Variants in PIWIL4 observed in about 807,000 individuals in gnomAD.
PIWIL4 encodes piwi-like protein 4.
In PIWIL4, 50 loss-of-function variants were observed where a neutral mutation model predicts 100.9. The ratio of observed to expected loss-of-function variants is 0.50; its 90% CI spans 0.39 to 0.63. The LOEUF is 0.63. Among genes scored for constraint, PIWIL4 ranks in the 20% least tolerant of loss-of-function variants. The pLI is 0.00. For missense variants in PIWIL4, 887 were observed against 1,043.3 expected (o/e 0.85, Z 2.06); for synonymous variants, 342 against 367.5 (o/e 0.93, Z 0.79).
chr11:94,618,063 C>T lies in PIWIL4; in HGVS notation c.2124C>T (p.Val708=), dbSNP rs1948865496. The change falls in exon 17 of 20, where the codon GTC becomes GTT. Residue 708 remains valine (V), a synonymous_variant. Transcript: ENST00000299001. ...TGAAAACACTTATTGAATATGAAGT[C>T]CCACAGCTGCTGAGCAGTGTGGCAG... is the stretch of plus-strand genomic sequence containing the variant. The part of the protein sequence containing the change: ...GQLKTLIEYE[V]PQLLSSVAES... 1 of 1,601,286 alleles carries T rather than the reference C, an allele frequency of 6.2e-7. No homozygotes were observed.
At position 94,595,344 on chromosome 11, in the gene PIWIL4, ATG is replaced by A. The variant is rs1948542005; in HGVS notation, c.1187_1188del (p.Met396LysfsTer5). On this transcript the variant is annotated frameshift_variant, in exon 10 of 20. Coordinates refer to ENST00000299001, the MANE Select transcript of PIWIL4 (RefSeq NM_152431.3). LOFTEE classifies it high-confidence loss of function. ...CCAGGCAACATCTGATTTCCAGCTG[ATG>A]AAGGCTGTGGCTGAAAAGACACGTC... ...TDQATSDFQL[M>X]KAVAEKTRLS... The A allele has an allele frequency of 6.2e-7, 1 of 1,613,958 alleles. No homozygotes were observed. Among genetic ancestry groups the A allele is most frequent in the Non-Finnish European group, 8.5e-7 (1 of 1,179,932 alleles).
intron 16 of PIWIL4, 23 bp from the exon 17 acceptor site, chr11:94,617,931 C>T: frequency 6.2e-7 from 1 of 1,610,920 alleles, no homozygotes; most frequent in Non-Finnish European, 8.5e-7. Flanking sequence ...TAATTCTTTT[C>T]TTACTGACAC....
intron 17 of PIWIL4, 56 bp downstream of exon 17, chr11:94,618,163 G>A: frequency 6.8e-7 from 1 of 1,467,204 alleles, no homozygotes; most frequent in Non-Finnish European, 9.1e-7. Context: ...TTCAGCTGTA[G>A]CTATTACACA....
intron 5 of PIWIL4, among the ~76,000 whole-genome samples, 182 bp downstream of exon 5, chr11:94,583,751 C>T (rs1591783019): frequency 6.6e-6 from 1 of 152,212 alleles, no homozygotes; most frequent in Non-Finnish European, 1.5e-5. Flanking sequence ...ATTACAGCCA[C>T]TCAGTGGCAC....
In PIWIL4 at chr11:94,618,043, A is replaced by G. The variant is rs750933887; in HGVS notation, c.2104A>G (p.Thr702Ala). The G allele has an allele frequency of 3.7e-6, 6 of 1,606,682 alleles. No individual in the cohort carries two copies. In the East Asian group the frequency reaches 1.1e-4, roughly 30 times the overall value. Residue 702 changes from threonine (T) to alanine (A), a missense_variant, in exon 17 of 20, where the codon ACA becomes GCA. Physicochemically the swap from Thr to Ala is moderately conservative, Grantham distance 58. Transcript: ENST00000299001. ...RAGVGDGQLKTLIEYEVPQLL... is the reference protein window; with the variant it reads ...RAGVGDGQLKALIEYEVPQLL... ...TGGTGTAGGGGATGGTCAGCTGAAA[A>G]CACTTATTGAATATGAAGTCCCACA... is the stretch of plus-strand genomic sequence containing the variant.
chr11:94,605,872 G>T (rs1238523806), intron 13 of PIWIL4, among the ~76,000 whole-genome samples: 1 of 152,074 alleles, frequency 6.6e-6, no homozygotes, highest in East Asian at 1.9e-4. Context: ...CTTCAAGCTG[G>T]CTTCTGTGTC....
chr11:94,617,957 C>A lies in PIWIL4; in HGVS notation c.2018C>A (p.Ala673Glu), dbSNP rs1438277654. 6.2e-6 allele frequency: 10 copies of A among 1,613,750 alleles called. No individual in the cohort carries two copies. Among genetic ancestry groups the A allele is most frequent in the Non-Finnish European group, 8.5e-6 (10 of 1,179,776 alleles). The change falls in exon 17 of 20, where the codon GCA (alanine) becomes GAA (glutamate). Residue 673 changes from alanine to glutamate, a missense_variant. Coordinates refer to ENST00000299001, the MANE Select transcript of PIWIL4 (RefSeq NM_152431.3). ...ADCLKVFMTGALNKWYKYNHD... is the reference protein window; with the variant it reads ...ADCLKVFMTGELNKWYKYNHD... ...TTACTGACACCAAATTCTGCAGGAGCACTCAACAAATGGTACAAGTACAAT... is the reference window on the plus strand; with the variant it reads ...TTACTGACACCAAATTCTGCAGGAGAACTCAACAAATGGTACAAGTACAAT...
chr11:94,618,250 T>C (rs1297671553), intron 17 of PIWIL4, 143 bp downstream of exon 17: 6 of 784,182 alleles, frequency 7.7e-6, no homozygotes, highest in Non-Finnish European at 1.1e-5. Flanking sequence ...AGTAGAGCTC[T>C]ATCATTTCCT....
intron 12 of PIWIL4, 132 bp downstream of exon 12, chr11:94,602,111 T>A: frequency 2.6e-6 from 2 of 755,980 alleles, no homozygotes; most frequent in Non-Finnish European, 4.2e-6. Context: ...AAAGTAGTCA[T>A]AAGTAGATAG....
chr11:94,598,705 C>CTTTTTT (rs769342028), intron 11 of PIWIL4, among the ~76,000 whole-genome samples: 7 of 110,066 alleles, frequency 6.4e-5, no homozygotes, highest in South Asian at 3.0e-4. Context: ...TTTTTTCCAT[C>CTTTTTT]TTTTTTTTTT....
At chr11:94,601,531 T>G (rs1003755875) in intron 11 of PIWIL4, among the ~76,000 whole-genome samples, 2 of 152,228 alleles carry the variant, frequency 1.3e-5, no homozygotes, top group Non-Finnish European at 2.9e-5. Context: ...CACCATTCTC[T>G]GTGCACCGCA....
Position 94,608,737 on chromosome 11 carries a change from T to G in PIWIL4, c.1943+51T>G, listed in dbSNP as rs994144254. 9 of 1,485,248 alleles carry G rather than the reference T, an allele frequency of 6.1e-6. No individual in the cohort carries two copies. The African/African-American group carries it at 1.2e-4, about 21-fold the overall frequency. The allele number at this position is 1,485,248 out of a possible 1,614,324, so 92.0% of individuals were successfully genotyped here. A position where few individuals can be genotyped will look rare whatever the true frequency, so the allele number is the denominator to read the frequency against. On this transcript the variant is annotated intron_variant, in intron 15 of 19. Transcript: ENST00000299001. ...TGCTTCATTTAGTTAGACTATTAAT[T>G]GTGGTTTCACTAAAGAATGTAACAG...
chr11:94,600,067 C>T lies in PIWIL4; in HGVS notation c.1381-1728C>T, dbSNP rs565447886. ...CAGTGGATCTTCCCCACTTGCTGTGCCAAAGGCATCATTCAATTATAGTCT... is the reference window on the plus strand; with the variant it reads ...CAGTGGATCTTCCCCACTTGCTGTGTCAAAGGCATCATTCAATTATAGTCT... On this transcript the variant is annotated intron_variant, in intron 11 of 19. Coordinates refer to ENST00000299001, the MANE Select transcript of PIWIL4 (RefSeq NM_152431.3). 3.3e-5 allele frequency among the ~76,000 whole-genome samples: 5 copies of T among 152,126 alleles called. No individual in the cohort carries two copies. The South Asian group carries it at 1.0e-3, about 32-fold the overall frequency.
At chr11:94,597,163 A>G (rs1368350157) in intron 10 of PIWIL4, among the ~76,000 whole-genome samples, 1 of 152,256 alleles carries the variant, frequency 6.6e-6, no homozygotes, top group African/African-American at 2.4e-5. Context: ...TGCTGATATT[A>G]ATATTCTCCT....
intron 2 of PIWIL4, among the ~76,000 whole-genome samples, chr11:94,569,794 G>A (rs1202972520): frequency 3.5e-5 from 5 of 141,538 alleles, no homozygotes; most frequent in Non-Finnish European, 6.2e-5. Context: ...TGGAATAATA[G>A]ACATTGGAGA....
chr11:94,591,495 G>T (rs1483542073), intron 8 of PIWIL4, among the ~76,000 whole-genome samples: 1 of 152,200 alleles, frequency 6.6e-6, no homozygotes, highest in Non-Finnish European at 1.5e-5. Flanking sequence ...AATCCTTGAT[G>T]CATAGTATCT....
intron 4 of PIWIL4, among the ~76,000 whole-genome samples, chr11:94,582,783 A>G (rs1948340039): frequency 6.6e-6 from 1 of 152,128 alleles, no homozygotes; most frequent in Non-Finnish European, 1.5e-5. Context: ...ATAAAATCAG[A>G]TTTCTGATCT....
chr11:94,604,128 A>T, intron 13 of PIWIL4, 72 bp downstream of exon 13: 7 of 889,528 alleles, frequency 7.9e-6, no homozygotes, highest in Non-Finnish European at 1.2e-5. Context: ...CAGTCTGAAC[A>T]TACCCTCCCA....
intron 15 of PIWIL4, among the ~76,000 whole-genome samples, chr11:94,615,765 G>A (rs1948839710): frequency 6.6e-6 from 1 of 152,148 alleles, no homozygotes; most frequent in African/African-American, 2.4e-5. Context: ...AGCCTCCCAA[G>A]TAGCTGTGAC....
Sources: allele counts gnomAD v4.1 joint callset (sites outside exome capture counted in the v4.1 genomes callset), GRCh38; gene constraint gnomAD v4.1.1; transcripts MANE v1.5; gene names NCBI Gene and HGNC (gene_info 2026-07-23, HGNC 2026-07-21).